IMMP2L: variants seen among roughly 807,000 people sequenced by gnomAD.
IMMP2L encodes mitochondrial inner membrane protease subunit 2.
A neutral mutation model predicts 19.3 loss-of-function variants in IMMP2L; 18 were observed. The ratio of observed to expected loss-of-function variants is 0.93; its 90% CI spans 0.64 to 1.38. IMMP2L has a LOEUF of 1.38. Among genes scored for constraint, IMMP2L ranks in the 40% most tolerant of loss-of-function variants. The pLI, the probability that IMMP2L is intolerant of heterozygous loss-of-function variation, is 0.00. For missense variants in IMMP2L, 233 were observed against 218.2 expected (o/e 1.07, Z -0.43); for synonymous variants, 76 against 73.0 (o/e 1.04, Z -0.21).
At chr7:111,382,214 T>C (rs1831265382) in intron 3 of IMMP2L, among the ~76,000 whole-genome samples, 1 of 151,788 alleles carries the variant, frequency 6.6e-6, no homozygotes, top group Non-Finnish European at 1.5e-5. Context: ...TAGCCATGTA[T>C]GAACAAGAAA....
At chr7:110,797,069 T>C (rs909865112) in intron 5 of IMMP2L, among the ~76,000 whole-genome samples, 2 of 151,996 alleles carry the variant, frequency 1.3e-5, no homozygotes, top group Middle Eastern at 3.2e-3. Context: ...AACTCCTATG[T>C]AAGTACTAAA....
At chr7:111,518,350 C>G (rs1846048090) in intron 2 of IMMP2L, among the ~76,000 whole-genome samples, 1 of 152,072 alleles carries the variant, frequency 6.6e-6, no homozygotes, top group African/African-American at 2.4e-5. Context: ...ACCCAAAAGA[C>G]TAGTATTACA....
intron 5 of IMMP2L, among the ~76,000 whole-genome samples, chr7:110,834,524 A>C (rs1249147015): frequency 6.6e-6 from 1 of 152,158 alleles, no homozygotes; most frequent in African/African-American, 2.4e-5. Context: ...CCCTGGAAGG[A>C]AGAAAGCTTT....
chr7:110,673,396 T>C (rs944568296), intron 5 of IMMP2L, among the ~76,000 whole-genome samples: 1 of 152,230 alleles, frequency 6.6e-6, no homozygotes, highest in African/African-American at 2.4e-5. Flanking sequence ...GGGGCTGCCA[T>C]GATGGTCTCT....
intron 3 of IMMP2L, among the ~76,000 whole-genome samples, chr7:111,167,225 T>C (rs987598832): frequency 6.6e-6 from 1 of 152,006 alleles, no homozygotes; most frequent in African/African-American, 2.4e-5. Flanking sequence ...TCTTTAGATC[T>C]TTCCTCTGAT....
intron 5 of IMMP2L, among the ~76,000 whole-genome samples, chr7:110,763,839 T>A (rs1407726040): frequency 6.6e-6 from 1 of 152,162 alleles, no homozygotes; most frequent in African/African-American, 2.4e-5. Flanking sequence ...TCTGTAGGTA[T>A]ATGGGTGCTT....
At chr7:111,486,664 T>A (rs78442498) in intron 3 of IMMP2L, among the ~76,000 whole-genome samples, 1 of 152,160 alleles carries the variant, frequency 6.6e-6, no homozygotes, top group Admixed American at 6.5e-5. Flanking sequence ...GTGTCAGTTA[T>A]ACACACTTTG....
intron 3 of IMMP2L, among the ~76,000 whole-genome samples, chr7:111,185,011 C>T (rs1808112682): frequency 6.6e-6 from 1 of 152,138 alleles, no homozygotes; most frequent in South Asian, 2.1e-4. Flanking sequence ...GAGATAGTTA[C>T]TGTTTTGTTT....
chr7:111,141,042 CT>C (rs1435680410), intron 3 of IMMP2L, among the ~76,000 whole-genome samples: 1 of 152,096 alleles, frequency 6.6e-6, no homozygotes, highest in African/African-American at 2.4e-5. Context: ...AAATGAATGG[CT>C]AGTTGGTGAA....
At chr7:111,344,283 C>T (rs2130818410) in intron 3 of IMMP2L, among the ~76,000 whole-genome samples, 1 of 152,250 alleles carries the variant, frequency 6.6e-6, no homozygotes, top group South Asian at 2.1e-4. Flanking sequence ...TTGCAACATG[C>T]CAAGTTTTTT....
intron 4 of IMMP2L, among the ~76,000 whole-genome samples, chr7:110,900,064 G>T (rs915083911): frequency 6.6e-6 from 1 of 152,112 alleles, no homozygotes; most frequent in Non-Finnish European, 1.5e-5. Flanking sequence ...AACTTTAAAT[G>T]TAACCCCAAA....
chr7:111,115,034 T>C (rs1799709056), intron 3 of IMMP2L, among the ~76,000 whole-genome samples: 1 of 152,092 alleles, frequency 6.6e-6, no homozygotes, highest in African/African-American at 2.4e-5. Flanking sequence ...ACAAGATGAT[T>C]ATACTTCAAT....
chr7:111,019,929 C>T (rs1826102276), intron 3 of IMMP2L, among the ~76,000 whole-genome samples: 1 of 152,100 alleles, frequency 6.6e-6, no homozygotes, highest in Non-Finnish European at 1.5e-5. Flanking sequence ...AGCCAAAATG[C>T]CATCTCTTCC....
intron 3 of IMMP2L, among the ~76,000 whole-genome samples, chr7:111,263,152 G>A (rs906082564): frequency 6.6e-6 from 1 of 152,096 alleles, no homozygotes; most frequent in African/African-American, 2.4e-5. Context: ...GAGTAGATAA[G>A]TGACATGGTA....
intron 3 of IMMP2L, among the ~76,000 whole-genome samples, chr7:111,286,616 T>C (rs978465274): frequency 3.9e-5 from 6 of 152,166 alleles, no homozygotes; most frequent in African/African-American, 1.4e-4. Context: ...GAGTTTGAGA[T>C]TGTGGTCTCC....
At chr7:111,526,114 A>G (rs1846825056) in intron 1 of IMMP2L, among the ~76,000 whole-genome samples, 1 of 152,198 alleles carries the variant, frequency 6.6e-6, no homozygotes, top group Non-Finnish European at 1.5e-5. Flanking sequence ...CAGTTTGGAT[A>G]GAGTATATAC....
chr7:111,007,119 C>A (rs1295724313), intron 3 of IMMP2L, among the ~76,000 whole-genome samples: 1 of 152,054 alleles, frequency 6.6e-6, no homozygotes, highest in Non-Finnish European at 1.5e-5. Flanking sequence ...AGGAAGCTTA[C>A]AATCATGGCA....
At chr7:111,191,973 A>G (rs1396455414) in intron 3 of IMMP2L, among the ~76,000 whole-genome samples, 1 of 151,958 alleles carries the variant, frequency 6.6e-6, no homozygotes, top group Non-Finnish European at 1.5e-5. Flanking sequence ...CCACATGGAA[A>G]TCTGTGGTTA....
chr7:111,281,206 GAA>G lies in IMMP2L; in HGVS notation c.239+206030_239+206031del, dbSNP rs1303656113. On this transcript the variant is annotated intron_variant, in intron 3 of 5. Transcript: ENST00000405709. ...AGAAAGAAAGAAAGAAAGAAAGAAA[GAA>G]AGAAAGAAAAAGAAAGAAAGAAAGA... 1.2e-3 allele frequency among the ~76,000 whole-genome samples: 49 copies of G among 40,370 alleles called. 1 individual carries two copies. The highest frequency in any genetic ancestry group is 3.1e-3 in the African/African-American group (36 of 11,794). The allele number at this position is 40,370 out of a possible 152,430, so 26.5% of individuals were successfully genotyped here.
Sources: gnomAD v4.1 joint callset for allele counts (sites outside exome capture counted in the v4.1 genomes callset) on GRCh38, gnomAD v4.1.1 for gene constraint, MANE v1.5 for transcripts, NCBI Gene and HGNC (gene_info 2026-07-23, HGNC 2026-07-21) for gene names.